Variants in PRKD1 observed in about 807,000 individuals in gnomAD.
The protein encoded by PRKD1 is serine/threonine-protein kinase D1.
PRKD1 carries 63 observed loss-of-function variants against 95.9 expected under a neutral mutation model. The observed-to-expected ratio is 0.66, with a 90% CI of 0.54 to 0.81. PRKD1 has a LOEUF of 0.81. Among genes scored for constraint, PRKD1 ranks in the 30% least tolerant of loss-of-function variants. PRKD1 has a pLI of 0.00. For missense variants in PRKD1, 1,048 were observed against 1,165.3 expected, an observed-to-expected ratio of 0.90 and a Z score of 1.47; for synonymous variants, 425 against 423.1, an observed-to-expected ratio of 1.00 and a Z score of -0.05.
intron 1 of PRKD1, among the ~76,000 whole-genome samples, chr14:29,903,832 T>C (rs939322897): frequency 2.0e-5 from 3 of 152,184 alleles, no homozygotes; most frequent in Non-Finnish European, 2.9e-5. Flanking sequence ...AGCCTAAGCT[T>C]GTACAGTCTA....
Position 29,891,217 on chromosome 14 carries a change from A to C in PRKD1, c.264+36032T>G, listed in dbSNP as rs115984738. ...CTTTAAAGTAGTATAATTTTCACTGATGTGGCAGAGGTACAACTACTCTGA... is the reference window on the plus strand; with the variant it reads ...CTTTAAAGTAGTATAATTTTCACTGCTGTGGCAGAGGTACAACTACTCTGA... On this transcript the variant is annotated intron_variant, in intron 1 of 17. Coordinates refer to ENST00000331968, the MANE Select transcript of PRKD1 (RefSeq NM_002742.3). Among the ~76,000 whole-genome samples, 316 of 152,332 alleles carry C rather than the reference A, an allele frequency of 2.1e-3. 4 individuals are homozygous for C. The highest frequency in any genetic ancestry group is 7.0e-3 in the African/African-American group (290 of 41,578).
chr14:29,770,122 G>C (rs927106702), intron 1 of PRKD1, among the ~76,000 whole-genome samples: 9 of 152,306 alleles, frequency 5.9e-5, no homozygotes, highest in Admixed American at 2.0e-4. Flanking sequence ...ACCACACACT[G>C]AATCTGTCAA....
intron 1 of PRKD1, among the ~76,000 whole-genome samples, chr14:29,837,140 G>A (rs1431036519): frequency 3.9e-5 from 6 of 152,022 alleles, no homozygotes; most frequent in East Asian, 1.9e-4. Flanking sequence ...AAATAATTCC[G>A]AGAAGTATAC....
chr14:29,790,617 T>C (rs1211786329), intron 1 of PRKD1, among the ~76,000 whole-genome samples: 1 of 152,168 alleles, frequency 6.6e-6, no homozygotes, highest in African/African-American at 2.4e-5. Context: ...CTGTAAAGTT[T>C]TCTTCAATTT....
intron 2 of PRKD1, among the ~76,000 whole-genome samples, chr14:29,706,857 G>C (rs1030483554): frequency 6.6e-6 from 1 of 152,094 alleles, no homozygotes; most frequent in African/African-American, 2.4e-5. Flanking sequence ...CCCAAATGTG[G>C]TATTTCAGGT....
intron 1 of PRKD1, among the ~76,000 whole-genome samples, chr14:29,886,312 AT>A (rs1893703574): frequency 6.6e-6 from 1 of 152,210 alleles, no homozygotes. Context: ...GGCATTTTTA[AT>A]TCTTAGCAGT....
At chr14:29,641,269 T>C (rs1411173268) in intron 4 of PRKD1, among the ~76,000 whole-genome samples, 1 of 152,190 alleles carries the variant, frequency 6.6e-6, no homozygotes, top group African/African-American at 2.4e-5. Context: ...ATAGCATTAA[T>C]AAAGAGTGCC....
intron 4 of PRKD1, among the ~76,000 whole-genome samples, chr14:29,658,613 G>A (rs1414928517): frequency 1.3e-5 from 2 of 152,070 alleles, no homozygotes; most frequent in African/African-American, 4.8e-5. Context: ...AATCACCAAG[G>A]AAAAGAGAGC....
Position 29,739,228 on chromosome 14 carries a change from G to A in PRKD1, c.265-13554C>T, listed in dbSNP as rs114936009. 4.6e-3 allele frequency among the ~76,000 whole-genome samples: 698 copies of A among 152,214 alleles called. 8 individuals are homozygous for A. The highest frequency in any genetic ancestry group is 0.015 in the African/African-American group (636 of 41,534). ...AATTTAGAAACACAAAAGTCACTCC[G>A]GTTAGTCTTCTTCTCTACACTGTAT... On this transcript the variant is annotated intron_variant, in intron 1 of 17. Transcript: ENST00000331968.
intron 1 of PRKD1, among the ~76,000 whole-genome samples, chr14:29,831,608 A>C (rs371876844): frequency 5.3e-5 from 8 of 152,134 alleles, no homozygotes; most frequent in African/African-American, 1.9e-4. Flanking sequence ...AGCTGGGATT[A>C]CAGGCATGTG....
rs565215903 is a variant in PRKD1, at chr14:29,638,598, T to A, written c.908-32A>T. On this transcript the variant is annotated intron_variant, in intron 5 of 17. Coordinates refer to ENST00000331968, the MANE Select transcript of PRKD1 (RefSeq NM_002742.3). ...CCAGTGATTTTCAAACAAAACAAAA[T>A]GAGAATTTGTCATAAAGAAAAGTGG... 5.0e-5 allele frequency: 81 copies of A among 1,613,604 alleles called. 1 individual carries two copies. The South Asian group carries it at 7.9e-4, about 16-fold the overall frequency.
intron 1 of PRKD1, among the ~76,000 whole-genome samples, chr14:29,826,812 TAC>T (rs1157312161): frequency 0.024 from 1,218 of 51,178 alleles, 226 homozygotes; most frequent in Admixed American, 0.032. Flanking sequence ...CACATATATA[TAC>T]ACATATATAT....
At chr14:29,826,633 A>ATG (rs1206414588) in intron 1 of PRKD1, among the ~76,000 whole-genome samples, 14 of 109,162 alleles carry the variant, frequency 1.3e-4, no homozygotes, top group Admixed American at 3.1e-4. Flanking sequence ...ACACATATAT[A>ATG]TGTGTGTGTG....
chr14:29,618,472 T>A (rs1879020484), intron 13 of PRKD1, among the ~76,000 whole-genome samples: 1 of 152,112 alleles, frequency 6.6e-6, no homozygotes, highest in African/African-American at 2.4e-5. Flanking sequence ...GCCAGGCTGT[T>A]CTCTAACTCC....
chr14:29,768,440 G>T (rs1888358125), intron 1 of PRKD1, among the ~76,000 whole-genome samples: 1 of 152,012 alleles, frequency 6.6e-6, no homozygotes, highest in African/African-American at 2.4e-5. Context: ...TTGAAATTTT[G>T]TTACAGTTTG....
At chr14:29,624,732 C>T (rs1206923937) in intron 12 of PRKD1, among the ~76,000 whole-genome samples, 1 of 151,978 alleles carries the variant, frequency 6.6e-6, no homozygotes, top group Non-Finnish European at 1.5e-5. Flanking sequence ...TTTTAGGTTC[C>T]TCATCTACAA....
At chr14:29,882,483 C>G (rs762499716) in intron 1 of PRKD1, among the ~76,000 whole-genome samples, 2 of 152,122 alleles carry the variant, frequency 1.3e-5, no homozygotes, top group Non-Finnish European at 2.9e-5. Context: ...GTGTTTTTCT[C>G]CAGTTTATTT....
chr14:29,867,893 A>G (rs559981932), intron 1 of PRKD1, among the ~76,000 whole-genome samples: 1 of 152,352 alleles, frequency 6.6e-6, no homozygotes, highest in South Asian at 2.1e-4. Context: ...TAAACTATAA[A>G]GAATCTATGA....
intron 1 of PRKD1, among the ~76,000 whole-genome samples, chr14:29,783,096 T>C (rs1206349161): frequency 6.6e-6 from 1 of 152,212 alleles, no homozygotes. Context: ...AACACTAGAA[T>C]GTATTCCTTC....
Sources: gnomAD v4.1 joint callset for allele counts (sites outside exome capture counted in the v4.1 genomes callset) on GRCh38, gnomAD v4.1.1 for gene constraint, MANE v1.5 for transcripts, NCBI Gene and HGNC (gene_info 2026-07-23, HGNC 2026-07-21) for gene names.